SLC25A36: variants seen among roughly 807,000 people sequenced by gnomAD.
SLC25A36 encodes the protein epididymis secretory sperm binding protein.
SLC25A36 carries 24 observed loss-of-function variants against 35.3 expected under a neutral mutation model. The observed-to-expected ratio is 0.68, with a 90% confidence interval of 0.49 to 0.96. The LOEUF is 0.96. Among genes scored for constraint, SLC25A36 ranks in the 40% least tolerant of loss-of-function variants. SLC25A36 has a pLI of 0.00. For missense variants in SLC25A36, 294 were observed against 381.1 expected (o/e 0.77, Z 1.90); for synonymous variants, 141 against 132.2 (o/e 1.07, Z -0.46).
intron 3 of SLC25A36, among the ~76,000 whole-genome samples, chr3:140,960,055 AT>A (rs1934588248): frequency 6.6e-6 from 1 of 152,162 alleles, no homozygotes; most frequent in Non-Finnish European, 1.5e-5. Flanking sequence ...ATATCTTTAT[AT>A]TGCATAGACT....
chr3:140,948,390 G>C (rs907147819), intron 1 of SLC25A36, among the ~76,000 whole-genome samples: 6 of 150,872 alleles, frequency 4.0e-5, no homozygotes, highest in African/African-American at 1.5e-4. Flanking sequence ...CACTGCGTTA[G>C]CCAGGTTGGT....
At chr3:140,968,667 A>G in intron 4 of SLC25A36, 12 of 981,608 alleles carry the variant, frequency 1.2e-5, no homozygotes, top group Non-Finnish European at 1.5e-5. Flanking sequence ...TTTTTTATAT[A>G]TGGGTTTTTT....
chr3:140,956,880 G>A (rs1934494615), intron 2 of SLC25A36, 189 bp downstream of exon 2: 1 of 1,001,436 alleles, frequency 1.0e-6, no homozygotes, highest in African/African-American at 1.7e-5. Flanking sequence ...ATAAGATAAA[G>A]TGTAATTTTA....
At chr3:140,971,528 A>G (rs936459487) in intron 5 of SLC25A36, among the ~76,000 whole-genome samples, 1 of 152,208 alleles carries the variant, frequency 6.6e-6, no homozygotes, top group Non-Finnish European at 1.5e-5. Flanking sequence ...TACGTCTTAG[A>G]GATGCACCAG....
At chr3:140,976,058 C>T (rs1007598741) in intron 6 of SLC25A36, among the ~76,000 whole-genome samples, 1 of 152,060 alleles carries the variant, frequency 6.6e-6, no homozygotes, top group East Asian at 1.9e-4. Flanking sequence ...ACTATAAAGT[C>T]TATAATTAAT....
chr3:140,942,684 C>G (rs1559808148), intron 1 of SLC25A36: 1 of 152,228 alleles, frequency 6.6e-6, no homozygotes, highest in Non-Finnish European at 1.5e-5. Context: ...CACTCACGCC[C>G]CACCTCGGAC....
At chr3:140,975,402 C>T (rs1935016350) in intron 6 of SLC25A36, among the ~76,000 whole-genome samples, 1 of 152,108 alleles carries the variant, frequency 6.6e-6, no homozygotes, top group African/African-American at 2.4e-5. Flanking sequence ...AGCCACCACA[C>T]CTGTCCAAAC....
chr3:140,970,938 A>G lies in SLC25A36; in HGVS notation c.397A>G (p.Ile133Val), dbSNP rs774254475. 6.7e-6 allele frequency: 10 copies of G among 1,499,984 alleles called. No individual in the cohort carries two copies. The highest frequency in any genetic ancestry group is 3.4e-5 in the South Asian group (3 of 88,170). The allele number at this position is 1,499,984 out of a possible 1,614,324, so 92.9% of individuals were successfully genotyped here. ...ISAAMAGFTA[I>V]TATNPIWLIK... ...ACATGTTTGTTTAGGTTTTACTGCAATCACAGCAACCAACCCCATTTGGCT... is the reference window on the plus strand; with the variant it reads ...ACATGTTTGTTTAGGTTTTACTGCAGTCACAGCAACCAACCCCATTTGGCT... The change falls in exon 5 of 7, where the codon ATC (isoleucine) becomes GTC (valine). Residue 133 changes from isoleucine to valine, a missense_variant. Transcript: ENST00000324194.
chr3:140,955,481 T>C (rs983972054), intron 1 of SLC25A36, among the ~76,000 whole-genome samples: 1 of 152,224 alleles, frequency 6.6e-6, no homozygotes, highest in African/African-American at 2.4e-5. Context: ...GGAAATTATT[T>C]TCTACTCTTG....
chr3:140,975,097 C>CTTATTTTTTTTT (rs1935004536), intron 6 of SLC25A36, among the ~76,000 whole-genome samples: 1 of 55,188 alleles, frequency 1.8e-5, no homozygotes, highest in African/African-American at 6.5e-5. Context: ...AAGATACATT[C>CTTATTTTTTTTT]TTTTTTTTTT....
rs75174363 is a variant in SLC25A36 at position 140,956,506 on chromosome 3, CTT to C, written c.42-4_42-3del. 0.035 allele frequency: 46,901 copies of C among 1,328,810 alleles called. No individual in the cohort carries two copies. Among genetic ancestry groups the C allele is most frequent in the South Asian group, 0.064 (3,883 of 60,308 alleles). The allele number at this position is 1,328,810 out of a possible 1,614,324, so 82.3% of individuals were successfully genotyped here. A position where few individuals can be genotyped will look rare whatever the true frequency, so the allele number is the denominator to read the frequency against. On this transcript the variant is annotated intron_variant, in intron 1 of 6. Transcript: ENST00000324194. The stretch of plus-strand genomic sequence containing the variant: ...ATGAATTAAGTAGATAAGCTGTGTT[CTT>C]TTTTTTTTTTTTTTTTAGATGTGGT...
At position 140,970,925 on chromosome 3, in the gene SLC25A36, A is replaced by G; in HGVS notation, c.386-2A>G. On this transcript the variant is annotated splice_acceptor_variant, in intron 4 of 6. Transcript: ENST00000324194. LOFTEE classifies it high-confidence loss of function. ...GAGTTCATTTTAAACATGTTTGTTTAGGTTTTACTGCAATCACAGCAACCA... is the reference window on the plus strand; with the variant it reads ...GAGTTCATTTTAAACATGTTTGTTTGGGTTTTACTGCAATCACAGCAACCA... 1 of 1,415,774 alleles carries G rather than the reference A, an allele frequency of 7.1e-7. No homozygotes were observed. The highest frequency in any genetic ancestry group is 1.0e-6 in the Non-Finnish European group (1 of 1,001,290). 87.7% of individuals were successfully genotyped at this position (1,415,774 alleles called of 1,614,324 possible). A position where few individuals can be genotyped will look rare whatever the true frequency, so the allele number is the denominator to read the frequency against.
At chr3:140,942,176 AG>A in intron 1 of SLC25A36, 81 bp downstream of exon 1, 2 of 56,934 alleles carry the variant, frequency 3.5e-5, no homozygotes, top group Non-Finnish European at 3.6e-5. Context: ...AGGGGGGCCG[AG>A]GGGGGTGGGG....
intron 2 of SLC25A36, among the ~76,000 whole-genome samples, chr3:140,958,825 A>G (rs907941540): frequency 1.3e-4 from 20 of 152,194 alleles, no homozygotes; most frequent in African/African-American, 4.8e-4. Flanking sequence ...GCATGATCAT[A>G]TGAAAATAAT....
intron 5 of SLC25A36, chr3:140,973,208 T>C (rs1003267481): frequency 6.6e-6 from 1 of 152,264 alleles, no homozygotes; most frequent in South Asian, 2.1e-4. Context: ...AGAATATGAG[T>C]GGGGTTGAAA....
At chr3:140,968,669 G>C in intron 4 of SLC25A36, 1 of 981,480 alleles carries the variant, frequency 1.0e-6, no homozygotes, top group Non-Finnish European at 1.2e-6. Flanking sequence ...TTTTATATAT[G>C]GGTTTTTTTC....
intron 1 of SLC25A36, among the ~76,000 whole-genome samples, chr3:140,944,939 C>G (rs1934122939): frequency 6.6e-6 from 1 of 152,170 alleles, no homozygotes; most frequent in Non-Finnish European, 1.5e-5. Flanking sequence ...TGATTTATTT[C>G]CGCTTCACTC....
intron 1 of SLC25A36, among the ~76,000 whole-genome samples, chr3:140,949,923 C>T (rs1314545986): frequency 6.6e-6 from 1 of 152,212 alleles, no homozygotes; most frequent in African/African-American, 2.4e-5. Context: ...TCATCCACAT[C>T]ACTGGATCAG....
At chr3:140,947,953 T>A (rs1377665917) in intron 1 of SLC25A36, among the ~76,000 whole-genome samples, 4 of 152,192 alleles carry the variant, frequency 2.6e-5, no homozygotes, top group Non-Finnish European at 2.9e-5. Context: ...GTGGTTTTTT[T>A]AATTATTATT....
Sources: allele counts gnomAD v4.1 joint callset (sites outside exome capture counted in the v4.1 genomes callset), GRCh38; gene constraint gnomAD v4.1.1; transcripts MANE v1.5; gene names NCBI Gene and HGNC (gene_info 2026-07-23, HGNC 2026-07-21).